Variants in IGFL3 observed in about 807,000 individuals in gnomAD.
IGFL3 encodes IGF like family member 3.
IGFL3 carries 12 observed loss-of-function variants against 17.0 expected under a neutral mutation model. The observed-to-expected ratio is 0.71, with a 90% CI of 0.45 to 1.14. The LOEUF (loss-of-function observed/expected upper bound fraction) is 1.14, where lower values mean the gene tolerates loss of function less well. Ranked by LOEUF, IGFL3 falls within the 50% of genes most tolerant of loss-of-function variation. IGFL3 has a pLI of 0.00. For synonymous variants in IGFL3, 52 were observed against 57.4 expected, an observed-to-expected ratio of 0.91 and a Z score of 0.42; for missense variants, 153 against 151.6, an observed-to-expected ratio of 1.01 and a Z score of -0.05.
intron 3 of IGFL3, among the ~76,000 whole-genome samples, chr19:46,121,501 GCC>G (rs1442593907): frequency 6.7e-6 from 1 of 150,210 alleles, no homozygotes; most frequent in African/African-American, 2.5e-5. Flanking sequence ...CATCTCAACA[GCC>G]CACTGAGAGG....
At chr19:46,120,448 T>G in intron 3 of IGFL3, 91 bp from the exon 4 acceptor site, 1 of 1,562,610 alleles carries the variant, frequency 6.4e-7, no homozygotes, top group African/African-American at 1.4e-5. Flanking sequence ...CAAACTTGAC[T>G]TTAACAGACT....
intron 3 of IGFL3, among the ~76,000 whole-genome samples, chr19:46,123,635 A>G (rs1971909343): frequency 6.6e-6 from 1 of 150,828 alleles, no homozygotes; most frequent in Non-Finnish European, 1.5e-5. Context: ...GCATTTTTCT[A>G]CCAGCTGAGT....
intron 3 of IGFL3, 106 bp from the exon 4 acceptor site, chr19:46,120,463 T>C (rs1971698544): frequency 6.6e-7 from 1 of 1,505,606 alleles, no homozygotes; most frequent in African/African-American, 1.4e-5. Context: ...CAGACTTGAC[T>C]GCTACACCAG....
Position 46,123,944 on chromosome 19 carries a change from T to C in IGFL3, c.292A>G (p.Arg98Gly). 6.2e-7 allele frequency: 1 copy of C among 1,611,424 alleles called. No homozygotes were observed. Reference protein sequence around the residue: ...GPQQKFLVKLRVLGMKSQCHL... With the variant: ...GPQQKFLVKLGVLGMKSQCHL... Reference sequence around the variant, plus strand: ...CACTGAGACTTCATACCCAGAACCCTCAACTTCACAAGAAACTTCTGCTGG... The same window carrying C: ...CACTGAGACTTCATACCCAGAACCCCCAACTTCACAAGAAACTTCTGCTGG... The change falls in exon 3 of 4, where the codon AGG becomes GGG. Residue 98 changes from arginine to glycine, a missense_variant. Transcript: ENST00000341415.
Position 46,120,120 on chromosome 19 carries a change from G to A in IGFL3, c.*210C>T, listed in dbSNP as rs1048602726. On this transcript the variant is annotated 3_prime_UTR_variant, in exon 4 of 4. Coordinates refer to ENST00000341415, the MANE Select transcript of IGFL3 (RefSeq NM_207393.2). ...TTGCCGATGAAAGTGGCTCTCAGCG[G>A]GAAGGGGAGCTGGAAAGGGGATGAA... 2 of 625,170 alleles carry A rather than the reference G, an allele frequency of 3.2e-6. No individual in the cohort carries two copies. The highest frequency in any genetic ancestry group is 5.3e-6 in the Non-Finnish European group (2 of 376,822). The allele number at this position is 625,170 out of a possible 1,614,324, so 38.7% of individuals were successfully genotyped here. A position where few individuals can be genotyped will look rare whatever the true frequency, so the allele number is the denominator to read the frequency against.
Position 46,124,007 on chromosome 19 carries a change from G to C in IGFL3, c.229C>G (p.Pro77Ala). The change falls in exon 3 of 4, where the codon CCC becomes GCC. Residue 77 changes from proline (P) to alanine (A), a missense_variant. By Grantham distance (27) the Pro-to-Ala change is conservative. Transcript: ENST00000341415. ...TCGGGACAGCAGAGCTCAAAGCAGG[G>C]CCAGAAGGTGCAGGTGGAGCCACAG... ...RRCGSTCTFW[P>A]CFELCCPESF... 2 of 1,611,532 alleles carry C rather than the reference G, an allele frequency of 1.2e-6. No individual in the cohort carries two copies. Among genetic ancestry groups the C allele is most frequent in the Non-Finnish European group, 1.7e-6 (2 of 1,179,680 alleles).
At position 46,122,970 on chromosome 19, in the gene IGFL3, T is replaced by TA. The variant is rs1017044047; in HGVS notation, c.350+915dup. Among the ~76,000 whole-genome samples, 2 of 150,456 alleles carry TA rather than the reference T, an allele frequency of 1.3e-5. 1 individual carries two copies. Among genetic ancestry groups the TA allele is most frequent in the African/African-American group, 4.9e-5 (2 of 40,466 alleles). On this transcript the variant is annotated intron_variant, in intron 3 of 3. Coordinates refer to ENST00000341415, the MANE Select transcript of IGFL3 (RefSeq NM_207393.2). Reference sequence around the variant, plus strand: ...TGAACATTATTACTTCTTTCCAGGGTAAAAAAAATGACATTTGAAAATAAT... The same window carrying TA: ...TGAACATTATTACTTCTTTCCAGGGTAAAAAAAAATGACATTTGAAAATAAT...
rs763949048 is a variant in IGFL3, at chr19:46,121,846, C to CT, written c.351-1490dup. Among the ~76,000 whole-genome samples the CT allele has an allele frequency of 2.0e-5, 3 of 150,946 alleles. 1 individual carries two copies. The highest frequency in any genetic ancestry group is 4.4e-5 in the Non-Finnish European group (3 of 67,962). On this transcript the variant is annotated intron_variant, in intron 3 of 3. Coordinates refer to ENST00000341415, the MANE Select transcript of IGFL3 (RefSeq NM_207393.2). ...GGGATTTTATAGGTTGGTGCTTGTG[C>CT]TGGAGAGAGCTACTTAGAGTACTGA...
rs771748649 is a variant in IGFL3 at position 46,124,104 on chromosome 19, C to T, written c.132G>A (p.Gly44=). The change falls in exon 3 of 4, where the codon GGG becomes GGA. Residue 44 remains glycine, a synonymous_variant. Transcript: ENST00000341415. ...GCTCTGAAGGGTTGTAGATCTTGTTCCCACACCTGGGTGTCGGCTGGCACA... is the reference window on the plus strand; with the variant it reads ...GCTCTGAAGGGTTGTAGATCTTGTTTCCACACCTGGGTGTCGGCTGGCACA... The part of the protein sequence containing the change: ...LWLCQPTPRC[G]NKIYNPSEQC... 3.7e-6 allele frequency: 6 copies of T among 1,610,880 alleles called. No homozygotes were observed. The highest frequency in any genetic ancestry group is 2.3e-5 in the East Asian group (1 of 44,402).
At chr19:46,123,359 A>G (rs1259961858) in intron 3 of IGFL3, among the ~76,000 whole-genome samples, 1 of 150,910 alleles carries the variant, frequency 6.6e-6, no homozygotes, top group Admixed American at 6.6e-5. Flanking sequence ...TAATAAAAAT[A>G]TGCTCAAATT....
rs1195997628 is a variant in IGFL3 at position 46,120,791 on chromosome 19, CTATT to C, written c.351-438_351-435del. ...TAGTAAAAAAATGTATATTTCAAAA[CTATT>C]AAGAGAGTAAATTTCAAGTGTTCTT... On this transcript the variant is annotated intron_variant, in intron 3 of 3. Transcript: ENST00000341415. Among the ~76,000 whole-genome samples, 2 of 150,588 alleles carry C rather than the reference CTATT, an allele frequency of 1.3e-5. 1 individual carries two copies. Among genetic ancestry groups the C allele is most frequent in the African/African-American group, 4.9e-5 (2 of 40,514 alleles).
chr19:46,124,070 A>T lies in IGFL3; in HGVS notation c.166T>A (p.Tyr56Asn), dbSNP rs758559866. 1 of 1,611,614 alleles carries T rather than the reference A, an allele frequency of 6.2e-7. No individual in the cohort carries two copies. The highest frequency in any genetic ancestry group is 1.1e-5 in the South Asian group (1 of 90,896). Residue 56 changes from tyrosine to asparagine, a missense_variant, in exon 3 of 4, where the codon TAT (tyrosine) becomes AAT (asparagine). Physicochemically the swap from Tyr to Asn is moderately radical, Grantham distance 143. Coordinates refer to ENST00000341415, the MANE Select transcript of IGFL3 (RefSeq NM_207393.2). Reference protein sequence around the residue: ...KIYNPSEQCCYDDAILSLKET... With the variant: ...KIYNPSEQCCNDDAILSLKET... ...TTTAAGGATAAGATGGCATCATCAT[A>T]ACAGCACTGCTCTGAAGGGTTGTAG...
Position 46,120,257 on chromosome 19 carries a change from C to A in IGFL3, c.*73G>T, listed in dbSNP as rs1158810662. 41 of 1,601,490 alleles carry A rather than the reference C, an allele frequency of 2.6e-5. 1 individual carries two copies. Among genetic ancestry groups the A allele is most frequent in the Non-Finnish European group, 3.0e-5 (35 of 1,175,204 alleles). On this transcript the variant is annotated 3_prime_UTR_variant, in exon 4 of 4. Transcript: ENST00000341415. ...CAAGTTGCTTCTCTCCGAAGTTCAA[C>A]TGTAGTCTCCGATGTCCAGCTGCTT...
rs1971667935 is a variant in IGFL3, at chr19:46,120,073, A to G, written c.*257T>C. The G allele has an allele frequency of 1.9e-6, 1 of 526,812 alleles. No homozygotes were observed. Among genetic ancestry groups the G allele is most frequent in the Non-Finnish European group, 3.3e-6 (1 of 298,748 alleles). The allele number at this position is 526,812 out of a possible 1,614,324, so 32.6% of individuals were successfully genotyped here. A position where few individuals can be genotyped will look rare whatever the true frequency, so the allele number is the denominator to read the frequency against. ...ATCAGGTTGCATGAACGAATTGAAGATGGTAAATGTGGGGGATTTTATTGC... is the reference window on the plus strand; with the variant it reads ...ATCAGGTTGCATGAACGAATTGAAGGTGGTAAATGTGGGGGATTTTATTGC... On this transcript the variant is annotated 3_prime_UTR_variant, in exon 4 of 4. Transcript: ENST00000341415.
At position 46,124,561 on chromosome 19, in the gene IGFL3, T is replaced by C; in HGVS notation, c.25+64A>G. Reference sequence around the variant, plus strand: ...TAGAGATAAAGAGGAATAAATCGGGTTGAGGTTTGGGAGCTGCACTGGGAA... The same window carrying C: ...TAGAGATAAAGAGGAATAAATCGGGCTGAGGTTTGGGAGCTGCACTGGGAA... On this transcript the variant is annotated intron_variant, in intron 1 of 3. Coordinates refer to ENST00000341415, the MANE Select transcript of IGFL3 (RefSeq NM_207393.2). 2 of 1,444,424 alleles carry C rather than the reference T, an allele frequency of 1.4e-6. 1 individual carries two copies. Among genetic ancestry groups the C allele is most frequent in the East Asian group, 4.6e-5 (2 of 43,412 alleles). 89.5% of individuals were successfully genotyped at this position (1,444,424 alleles called of 1,614,324 possible). A position where few individuals can be genotyped will look rare whatever the true frequency, so the allele number is the denominator to read the frequency against.
chr19:46,120,472 A>G, intron 3 of IGFL3, 115 bp from the exon 4 acceptor site: 7 of 1,424,216 alleles, frequency 4.9e-6, no homozygotes, highest in Non-Finnish European at 6.7e-6. Flanking sequence ...CTGCTACACC[A>G]GATGTGTAGA....
At chr19:46,121,699 A>AT (rs1463673038) in intron 3 of IGFL3, among the ~76,000 whole-genome samples, 1 of 150,960 alleles carries the variant, frequency 6.6e-6, no homozygotes, top group Non-Finnish European at 1.5e-5. Context: ...AGAAAGGCAG[A>AT]TTTTTTAGAA....
intron 3 of IGFL3, among the ~76,000 whole-genome samples, chr19:46,122,255 A>G (rs755391290): frequency 5.3e-5 from 8 of 151,124 alleles, no homozygotes; most frequent in Non-Finnish European, 1.2e-4. Flanking sequence ...TAATTTGCAC[A>G]AAACATCTTT....
intron 3 of IGFL3, among the ~76,000 whole-genome samples, chr19:46,123,067 G>T (rs1971864499): frequency 6.6e-6 from 1 of 150,984 alleles, no homozygotes; most frequent in South Asian, 2.1e-4. Flanking sequence ...GAATTCTAAA[G>T]ATTGGTATAC....
Sources: gnomAD v4.1 joint callset for allele counts (sites outside exome capture counted in the v4.1 genomes callset) on GRCh38, gnomAD v4.1.1 for gene constraint, MANE v1.5 for transcripts, NCBI Gene and HGNC (gene_info 2026-07-23, HGNC 2026-07-21) for gene names.